SPNS3: variants seen among roughly 807,000 people sequenced by gnomAD.
SPNS3 encodes protein spinster homolog 3.
SPNS3 carries 51 observed loss-of-function variants against 54.4 expected under a neutral mutation model. The observed-to-expected ratio is 0.94, with a 90% CI of 0.75 to 1.18. The LOEUF (loss-of-function observed/expected upper bound fraction) is 1.18, where lower values mean the gene tolerates loss of function less well. Among genes scored for constraint, SPNS3 ranks in the 50% most tolerant of loss-of-function variants. The probability of loss-of-function intolerance (pLI) is 0.00; values close to 1 mark genes in which losing one functional copy is unlikely to be tolerated. For missense variants in SPNS3, 669 were observed against 677.4 expected (o/e 0.99, Z 0.14); for synonymous variants, 309 against 294.7 (o/e 1.05, Z -0.50).
chr17:4,438,527 G>A (rs936306714), intron 1 of SPNS3, among the ~76,000 whole-genome samples: 10 of 152,220 alleles, frequency 6.6e-5, no homozygotes, highest in Admixed American at 2.6e-4. Context: ...GACACCAAGA[G>A]GCTATCAGGA....
chr17:4,455,742 G>C (rs1228078388), intron 8 of SPNS3, among the ~76,000 whole-genome samples: 2 of 152,188 alleles, frequency 1.3e-5, no homozygotes, highest in Non-Finnish European at 2.9e-5. Context: ...TCCCTTGGGG[G>C]AGTCAGGGCC....
intron 2 of SPNS3, among the ~76,000 whole-genome samples, chr17:4,441,946 A>C (rs1006481637): frequency 6.7e-6 from 1 of 148,460 alleles, no homozygotes; most frequent in Non-Finnish European, 1.5e-5. Context: ...CGTAGTGGTC[A>C]AGATTATTAC....
chr17:4,450,828 G>A (rs895539610), intron 7 of SPNS3, among the ~76,000 whole-genome samples: 3 of 147,628 alleles, frequency 2.0e-5, no homozygotes, highest in East Asian at 2.0e-4. Flanking sequence ...GGCTGGTCTC[G>A]GACTCCTGAC....
chr17:4,434,127 A>ATC lies in SPNS3; in HGVS notation c.161_162dup (p.Asn55SerfsTer4). ...CGTGGCTGCCGCCGTCCTCTGCTACATCAACCTCCTGAATTACATGAACTG... is the reference window on the plus strand; with the variant it reads ...CGTGGCTGCCGCCGTCCTCTGCTACATCTCAACCTCCTGAATTACATGAACTG... On this transcript the variant is annotated frameshift_variant, in exon 1 of 12. Transcript: ENST00000355530. LOFTEE classifies it high-confidence loss of function. 6.2e-7 allele frequency: 1 copy of ATC among 1,612,248 alleles called. No individual in the cohort carries two copies. Among genetic ancestry groups the ATC allele is most frequent in the South Asian group, 1.1e-5 (1 of 90,806 alleles).
chr17:4,447,048 G>T (rs1040161221), intron 5 of SPNS3, 86 bp downstream of exon 5: 4 of 1,462,546 alleles, frequency 2.7e-6, no homozygotes, highest in Non-Finnish European at 3.8e-6. Context: ...GCCACTTGGC[G>T]TAGCACCCGG....
At chr17:4,471,537 C>G (rs187516376) in intron 8 of SPNS3, among the ~76,000 whole-genome samples, 27 of 152,222 alleles carry the variant, frequency 1.8e-4, no homozygotes, top group Admixed American at 6.5e-4. Flanking sequence ...GCAATCATGG[C>G]TGTCTGCAGC....
At chr17:4,481,769 C>T (rs1256906225) in intron 9 of SPNS3, among the ~76,000 whole-genome samples, 1 of 152,192 alleles carries the variant, frequency 6.6e-6, no homozygotes, top group African/African-American at 2.4e-5. Context: ...ACCATTGACA[C>T]CCCAGGCTAT....
At chr17:4,453,374 C>T (rs543451365) in intron 8 of SPNS3, among the ~76,000 whole-genome samples, 169 bp downstream of exon 8, 5 of 152,254 alleles carry the variant, frequency 3.3e-5, no homozygotes, top group East Asian at 1.9e-4. Context: ...CTTGGCTGGA[C>T]GCGGTGGCTC....
At chr17:4,450,877 G>C (rs956065405) in intron 7 of SPNS3, among the ~76,000 whole-genome samples, 1 of 151,834 alleles carries the variant, frequency 6.6e-6, no homozygotes, top group Non-Finnish European at 1.5e-5. Flanking sequence ...CGAAGTGCTG[G>C]AATTACAGGC....
intron 8 of SPNS3, among the ~76,000 whole-genome samples, chr17:4,477,629 G>T (rs1187654424): frequency 6.6e-6 from 1 of 152,224 alleles, no homozygotes; most frequent in Non-Finnish European, 1.5e-5. Flanking sequence ...GAGCAGGGCT[G>T]GGGGTGGGCA....
At chr17:4,453,310 C>G in intron 8 of SPNS3, 105 bp downstream of exon 8, 1 of 1,102,030 alleles carries the variant, frequency 9.1e-7, no homozygotes, top group Non-Finnish European at 1.3e-6. Context: ...TTATGTTGAT[C>G]ACTCCTTCTG....
intron 8 of SPNS3, among the ~76,000 whole-genome samples, chr17:4,459,504 G>C (rs938567745): frequency 6.6e-6 from 1 of 152,034 alleles, no homozygotes. Context: ...CTGAGGTCAG[G>C]AGTTCAAGAC....
At position 4,483,023 on chromosome 17, in the gene SPNS3, A is replaced by G. The variant is rs1972213603; in HGVS notation, c.1180-3205A>G. On this transcript the variant is annotated intron_variant, in intron 9 of 11. Coordinates refer to ENST00000355530, the MANE Select transcript of SPNS3 (RefSeq NM_182538.5). This position sits in a 1 kb window ranked among gnomAD's most constrained non-coding sequence, Gnocchi z 4.2. ...CCCACCCCTCAGCAGACGTCCCCAC[A>G]GTTCCCCGGAGAGTTGTCACCTCTG... 6.6e-6 allele frequency among the ~76,000 whole-genome samples: 1 copy of G among 152,088 alleles called. No homozygotes were observed. Among genetic ancestry groups the G allele is most frequent in the Admixed American group, 6.5e-5 (1 of 15,282 alleles).
intron 7 of SPNS3, 32 bp downstream of exon 7, chr17:4,449,419 C>T (rs772527436): frequency 1.5e-5 from 23 of 1,548,978 alleles, no homozygotes; most frequent in Non-Finnish European, 1.7e-5. Flanking sequence ...GGGCACCTGG[C>T]CCGGCTCGGG....
chr17:4,449,313 G>A lies in SPNS3; in HGVS notation c.849G>A (p.Lys283=), dbSNP rs1007241708. 6.2e-7 allele frequency: 1 copy of A among 1,612,446 alleles called. No homozygotes were observed. Among genetic ancestry groups the A allele is most frequent in the Non-Finnish European group, 8.5e-7 (1 of 1,179,920 alleles). The change falls in exon 7 of 12, where the codon AAG becomes AAA. Residue 283 remains lysine (K), a synonymous_variant. Transcript: ENST00000355530. ...VTGALGFWAP[K]FLLEARVVHG... Reference sequence around the variant, plus strand: ...GAGCCCTGGGGTTCTGGGCCCCCAAGTTTCTGCTCGAGGCACGCGTGGTTC... The same window carrying A: ...GAGCCCTGGGGTTCTGGGCCCCCAAATTTCTGCTCGAGGCACGCGTGGTTC...
At position 4,463,037 on chromosome 17, in the gene SPNS3, T is replaced by A. The variant is rs543592572; in HGVS notation, c.1113+9832T>A. Among the ~76,000 whole-genome samples the A allele has an allele frequency of 2.5e-3, 379 of 151,992 alleles. 1 individual carries two copies. Among genetic ancestry groups the A allele is most frequent in the Non-Finnish European group, 4.4e-3 (302 of 67,972 alleles). ...AGACAGGCTCCAAACTCTTCTTGGG[T>A]GGGCATGTGTGCTGGTGTGTGCATG... is the stretch of plus-strand genomic sequence containing the variant. On this transcript the variant is annotated intron_variant, in intron 8 of 11. Coordinates refer to ENST00000355530, the MANE Select transcript of SPNS3 (RefSeq NM_182538.5).
At chr17:4,477,976 T>TTC (rs2144202295) in intron 8 of SPNS3, among the ~76,000 whole-genome samples, 1 of 128,244 alleles carries the variant, frequency 7.8e-6, no homozygotes, top group Admixed American at 8.0e-5. Context: ...TTTCCTTTTT[T>TTC]TTTTTTTTTT....
chr17:4,475,638 C>T (rs1199504204), intron 8 of SPNS3, among the ~76,000 whole-genome samples: 1 of 152,156 alleles, frequency 6.6e-6, no homozygotes. Context: ...GGCTCAGCCA[C>T]ACTGGGCAGG....
intron 8 of SPNS3, among the ~76,000 whole-genome samples, chr17:4,469,566 C>T (rs963306741): frequency 2.4e-4 from 35 of 148,362 alleles, no homozygotes; most frequent in African/African-American, 8.8e-4. Context: ...TTGCAGTGAG[C>T]CAGGATCGCG....
Sources: gnomAD v4.1 joint callset for allele counts (sites outside exome capture counted in the v4.1 genomes callset) on GRCh38, gnomAD v4.1.1 for gene constraint, Gnocchi (gnomAD v3.1) non-coding constraint, MANE v1.5 for transcripts, NCBI Gene and HGNC (gene_info 2026-07-23, HGNC 2026-07-21) for gene names.